SHISA6: variants seen among roughly 807,000 people sequenced by gnomAD.
SHISA6 encodes protein shisa-6.
SHISA6 carries 22 observed loss-of-function variants against 47.9 expected under a neutral mutation model. The observed-to-expected ratio is 0.46, with a 90% CI of 0.33 to 0.66. The LOEUF is 0.66. Ranked by LOEUF, SHISA6 falls within the 30% of genes least tolerant of loss-of-function variation. SHISA6 has a pLI of 0.02. For synonymous variants in SHISA6, 388 were observed against 337.8 expected, an observed-to-expected ratio of 1.15 and a Z score of -1.63; for missense variants, 680 against 764.6, an observed-to-expected ratio of 0.89 and a Z score of 1.30.
chr17:11,363,521 C>T (rs1240687318), intron 2 of SHISA6, among the ~76,000 whole-genome samples: 1 of 152,136 alleles, frequency 6.6e-6, no homozygotes. Context: ...TTCTGGCGGT[C>T]TCTGGATTAT....
intron 3 of SHISA6, among the ~76,000 whole-genome samples, chr17:11,544,687 G>A (rs2071866736): frequency 6.6e-6 from 1 of 152,150 alleles, no homozygotes; most frequent in African/African-American, 2.4e-5. Flanking sequence ...CAGGCCGGGT[G>A]CGGTGGCTCA....
intron 3 of SHISA6, among the ~76,000 whole-genome samples, chr17:11,415,100 GAAAA>G (rs1470697142): frequency 6.6e-6 from 1 of 151,164 alleles, no homozygotes; most frequent in East Asian, 1.9e-4. Flanking sequence ...AAGAAAGAAA[GAAAA>G]AAACAATGAA....
chr17:11,458,268 A>G (rs143869183), intron 3 of SHISA6, among the ~76,000 whole-genome samples: 226 of 152,174 alleles, frequency 1.5e-3, no homozygotes, highest in African/African-American at 4.9e-3. Flanking sequence ...ATGTCTGCCT[A>G]TTGTGATGTT....
chr17:11,489,407 G>A (rs961910754), intron 3 of SHISA6, among the ~76,000 whole-genome samples: 5 of 152,120 alleles, frequency 3.3e-5, no homozygotes, highest in Non-Finnish European at 7.3e-5. Context: ...TCTCCCTTGA[G>A]TGTCTAGCTT....
intron 2 of SHISA6, among the ~76,000 whole-genome samples, chr17:11,300,669 C>CTT (rs201580011): frequency 3.7e-5 from 5 of 136,252 alleles, no homozygotes; most frequent in South Asian, 2.4e-4. Context: ...TTTTCTTTTT[C>CTT]TTTTTTTTTT....
intron 3 of SHISA6, among the ~76,000 whole-genome samples, chr17:11,445,948 G>A (rs752864200): frequency 3.9e-5 from 6 of 152,086 alleles, no homozygotes; most frequent in African/African-American, 9.7e-5. Flanking sequence ...CTGCCTCGGC[G>A]TCCTGAGTAG....
chr17:11,357,144 C>T lies in SHISA6; in HGVS notation c.800-22270C>T, dbSNP rs527459684. 5.6e-3 allele frequency among the ~76,000 whole-genome samples: 778 copies of T among 138,844 alleles called. 8 individuals carry two copies. The highest frequency in any genetic ancestry group is 0.013 in the South Asian group (57 of 4,376). 91.1% of individuals were successfully genotyped at this position (138,844 alleles called of 152,430 possible). A position where few individuals can be genotyped will look rare whatever the true frequency, so the allele number is the denominator to read the frequency against. On this transcript the variant is annotated intron_variant, in intron 2 of 5. Transcript: ENST00000441885. ...CGGAGCTTGCAGTGAGCCGAGATCCCGCCACTGCACTCCAGCCTGGGCGAC... is the reference window on the plus strand; with the variant it reads ...CGGAGCTTGCAGTGAGCCGAGATCCTGCCACTGCACTCCAGCCTGGGCGAC...
chr17:11,300,994 G>T (rs933613929), intron 2 of SHISA6, among the ~76,000 whole-genome samples: 11 of 151,892 alleles, frequency 7.2e-5, no homozygotes, highest in African/African-American at 2.4e-4. Context: ...TTTAATACCA[G>T]TCAAGGGAAA....
chr17:11,551,506 C>T (rs1335047212), intron 3 of SHISA6, among the ~76,000 whole-genome samples: 1 of 152,102 alleles, frequency 6.6e-6, no homozygotes, highest in Non-Finnish European at 1.5e-5. Flanking sequence ...GTTAACCACA[C>T]CCTAATACCC....
chr17:11,408,682 A>G (rs1914030667), intron 3 of SHISA6, among the ~76,000 whole-genome samples: 1 of 152,142 alleles, frequency 6.6e-6, no homozygotes, highest in Non-Finnish European at 1.5e-5. Context: ...TTCATTGCCA[A>G]CTCCAGAAAA....
chr17:11,409,559 C>T (rs1914058558), intron 3 of SHISA6, among the ~76,000 whole-genome samples: 2 of 151,984 alleles, frequency 1.3e-5, no homozygotes, highest in African/African-American at 4.8e-5. Context: ...CAAAAATTAG[C>T]CAGGAGTGGT....
intron 2 of SHISA6, among the ~76,000 whole-genome samples, chr17:11,343,745 C>A (rs1298410860): frequency 6.6e-6 from 1 of 152,232 alleles, no homozygotes; most frequent in Admixed American, 6.5e-5. Flanking sequence ...TCTCCAGATA[C>A]ACCTATATGG....
chr17:11,340,626 T>A (rs911861796), intron 2 of SHISA6, among the ~76,000 whole-genome samples: 2 of 152,126 alleles, frequency 1.3e-5, no homozygotes, highest in Non-Finnish European at 2.9e-5. Flanking sequence ...TACAGAGGGA[T>A]GGGAGGGATT....
intron 3 of SHISA6, among the ~76,000 whole-genome samples, chr17:11,436,109 G>T (rs1914931646): frequency 6.6e-6 from 1 of 152,178 alleles, no homozygotes; most frequent in Non-Finnish European, 1.5e-5. Flanking sequence ...TGCCTGGGGA[G>T]CTCTTCCAGG....
chr17:11,320,618 A>G (rs1910681723), intron 2 of SHISA6, among the ~76,000 whole-genome samples: 1 of 151,696 alleles, frequency 6.6e-6, no homozygotes, highest in Non-Finnish European at 1.5e-5. Context: ...AAATTGTGCC[A>G]TTGCACTCCA....
chr17:11,355,865 A>G (rs944463325), intron 2 of SHISA6, among the ~76,000 whole-genome samples: 7 of 152,194 alleles, frequency 4.6e-5, no homozygotes, highest in Non-Finnish European at 8.8e-5. Context: ...TAATCTGCCT[A>G]ATGATTAAGA....
Position 11,350,170 on chromosome 17 carries a change from A to ATTTTTTTTTT in SHISA6, c.800-29241_800-29240insTTTTTTTTTT, listed in dbSNP as rs1295741204. 2.8e-5 allele frequency among the ~76,000 whole-genome samples: 3 copies of ATTTTTTTTTT among 105,408 alleles called. 1 individual carries two copies. Among genetic ancestry groups the ATTTTTTTTTT allele is most frequent in the East Asian group, 9.1e-4 (2 of 2,204 alleles). 69.2% of individuals were successfully genotyped at this position (105,408 alleles called of 152,430 possible). A position where few individuals can be genotyped will look rare whatever the true frequency, so the allele number is the denominator to read the frequency against. ...CCATGCCCGGCTAATTTATTTATTT[A>ATTTTTTTTTT]TTTATTTATTTATTTTTTTTTTTTT... On this transcript the variant is annotated intron_variant, in intron 2 of 5. Transcript: ENST00000441885.
Position 11,548,965 on chromosome 17 carries a change from G to A in SHISA6, c.896-2931G>A, listed in dbSNP as rs1191779667. On this transcript the variant is annotated intron_variant, in intron 3 of 5. Transcript: ENST00000441885. ...GCAAAAACTAGATATTTTTATCTGT[G>A]TGCATAAGTAAATGTATGTATAAGC... Among the ~76,000 whole-genome samples, 9 of 152,250 alleles carry A rather than the reference G, an allele frequency of 5.9e-5. No individual in the cohort carries two copies. In the East Asian group the frequency reaches 1.5e-3, roughly 26 times the overall value.
chr17:11,529,830 A>G (rs2071717238), intron 3 of SHISA6, among the ~76,000 whole-genome samples: 1 of 152,218 alleles, frequency 6.6e-6, no homozygotes, highest in Non-Finnish European at 1.5e-5. Context: ...AATTACCCTA[A>G]TAGGGGAAAA....
Sources: allele counts gnomAD v4.1 joint callset (sites outside exome capture counted in the v4.1 genomes callset), GRCh38; gene constraint gnomAD v4.1.1; transcripts MANE v1.5; gene names NCBI Gene and HGNC (gene_info 2026-07-23, HGNC 2026-07-21).